Variants in CLDN6 observed in about 807,000 individuals in gnomAD.
CLDN6 encodes the protein claudin 6.
For missense variants in CLDN6, 279 were observed against 284.1 expected (o/e 0.98, Z 0.13); for synonymous variants, 144 against 131.2 (o/e 1.10, Z -0.67).
rs905860835 is a variant in CLDN6 at position 3,014,843 on chromosome 16, G to A, written c.*516C>T. 8 of 322,574 alleles carry A rather than the reference G, an allele frequency of 2.5e-5. No homozygotes were observed. Among genetic ancestry groups the A allele is most frequent in the Non-Finnish European group, 3.9e-5 (7 of 179,134 alleles). The allele number at this position is 322,574 out of a possible 1,614,324, so 20.0% of individuals were successfully genotyped here. A position where few individuals can be genotyped will look rare whatever the true frequency, so the allele number is the denominator to read the frequency against. ...ACATAGCTGGGACCTGGCCCTGGGG[G>A]GTGGACGTCTTATCAGGACGGAGGA... On this transcript the variant is annotated 3_prime_UTR_variant, in exon 2 of 2. Transcript: ENST00000328796.
In CLDN6 at chr16:3,017,946, G is replaced by T. The variant is rs372514766; in HGVS notation, c.-22+203C>A. On this transcript the variant is annotated intron_variant, in intron 1 of 1. Transcript: ENST00000328796. Reference sequence around the variant, plus strand: ...TTTCGGAGTCTTTGTCCCTGGGGAGGGGGGAGGGGCGTTTAACCCTTGGGA... The same window carrying T: ...TTTCGGAGTCTTTGTCCCTGGGGAGTGGGGAGGGGCGTTTAACCCTTGGGA... Among the ~76,000 whole-genome samples the T allele has an allele frequency of 5.9e-5, 9 of 151,578 alleles. No individual in the cohort carries two copies. In the East Asian group the frequency reaches 1.8e-3, roughly 30 times the overall value.
chr16:3,015,472 T>C lies in CLDN6; in HGVS notation c.550A>G (p.Thr184Ala), dbSNP rs1170909675. 1.2e-6 allele frequency: 2 copies of C among 1,602,088 alleles called. No individual in the cohort carries two copies. The highest frequency in any genetic ancestry group is 1.7e-6 in the Non-Finnish European group (2 of 1,174,322). The change falls in exon 2 of 2, where the codon ACT becomes GCT. Residue 184 changes from threonine (T) to alanine (A), a missense_variant. Transcript: ENST00000328796. ...CCCTGGGACCCCCCCGAGGGGCAAG[T>C]GCAGCACAGCAACCCCCCACCCAGC... ...LLLGGGLLCC[T>A]CPSGGSQGPS...
chr16:3,016,192 C>A (rs542460706), intron 1 of CLDN6, 150 bp from the exon 2 acceptor site: 4 of 679,194 alleles, frequency 5.9e-6, no homozygotes, highest in Non-Finnish European at 9.8e-6. Flanking sequence ...CCTCACTTCT[C>A]GTGGGCAAAA....
Position 3,014,956 on chromosome 16 carries a change from C to G in CLDN6, c.*403G>C. The G allele has an allele frequency of 2.5e-6, 1 of 402,640 alleles. No individual in the cohort carries two copies. Among genetic ancestry groups the G allele is most frequent in the Non-Finnish European group, 4.4e-6 (1 of 229,742 alleles). 24.9% of individuals were successfully genotyped at this position (402,640 alleles called of 1,614,324 possible). ...GGGTGAAGAGAGGAGCTCCAGAGACCTGAGTAGGATGGGGGGCAGCTGTCC... is the reference window on the plus strand; with the variant it reads ...GGGTGAAGAGAGGAGCTCCAGAGACGTGAGTAGGATGGGGGGCAGCTGTCC... On this transcript the variant is annotated 3_prime_UTR_variant, in exon 2 of 2. Transcript: ENST00000328796.
rs1337554088 is a variant in CLDN6 at position 3,015,209 on chromosome 16, G to A, written c.*150C>T. ...AAGTGAGAGTCTGAGTCAACACCTT[G>A]GCTCAGTTTTCAAATGAATTTTAAA... On this transcript the variant is annotated 3_prime_UTR_variant, in exon 2 of 2. Coordinates refer to ENST00000328796, the MANE Select transcript of CLDN6 (RefSeq NM_021195.5). The A allele has an allele frequency of 3.0e-6, 2 of 661,518 alleles. No homozygotes were observed. Among genetic ancestry groups the A allele is most frequent in the East Asian group, 2.8e-5 (1 of 35,434 alleles). 41.0% of individuals were successfully genotyped at this position (661,518 alleles called of 1,614,324 possible). A position where few individuals can be genotyped will look rare whatever the true frequency, so the allele number is the denominator to read the frequency against.
Position 3,015,682 on chromosome 16 carries a change from T to C in CLDN6, c.340A>G (p.Lys114Glu). ...CTTCVEEKDS[K>E]ARLVLTSGIV... The stretch of plus-strand genomic sequence containing the variant: ...CCAGAGGTGAGCACCAGGCGGGCCT[T>C]GGAATCCTTCTCCTCCACACAGGTG... The change falls in exon 2 of 2, where the codon AAG (lysine) becomes GAG (glutamate). Residue 114 changes from lysine to glutamate, a missense_variant. Lys to Glu is a moderately conservative substitution (Grantham distance 56). Transcript: ENST00000328796. The C allele has an allele frequency of 6.2e-7, 1 of 1,613,614 alleles. No homozygotes were observed. The highest frequency in any genetic ancestry group is 8.5e-7 in the Non-Finnish European group (1 of 1,180,036).
intron 1 of CLDN6, among the ~76,000 whole-genome samples, chr16:3,017,292 T>A (rs1443132094): frequency 1.3e-5 from 2 of 152,198 alleles, no homozygotes; most frequent in African/African-American, 4.8e-5. Flanking sequence ...TGACCTGCCC[T>A]AGGCGCCGGA....
Position 3,015,763 on chromosome 16 carries a change from C to G in CLDN6, c.259G>C (p.Ala87Pro). ...AAGCCGAACAGGGCCACAAGGAGGG[C>G]GATGACACAGAGGGCACGTGCAGCC... is the stretch of plus-strand genomic sequence containing the variant. Reference protein sequence around the residue: ...LQAARALCVIALLVALFGLLV... With the variant: ...LQAARALCVIPLLVALFGLLV... The change falls in exon 2 of 2, where the codon GCC (alanine) becomes CCC (proline). Residue 87 changes from alanine to proline, a missense_variant. Physicochemically the swap from Ala to Pro is conservative, Grantham distance 27 (BLOSUM62 -1). Transcript: ENST00000328796. 1 of 1,614,070 alleles carries G rather than the reference C, an allele frequency of 6.2e-7. No individual in the cohort carries two copies. Among genetic ancestry groups the G allele is most frequent in the African/African-American group, 1.3e-5 (1 of 75,066 alleles).
chr16:3,015,769 C>G lies in CLDN6; in HGVS notation c.253G>C (p.Val85Leu). The G allele has an allele frequency of 3.1e-6, 5 of 1,614,108 alleles. No homozygotes were observed. In the East Asian group the frequency reaches 8.9e-5, roughly 29 times the overall value. ...QDLQAARALC[V>L]IALLVALFGL... is the part of the protein sequence containing the mutation. The stretch of plus-strand genomic sequence containing the variant: ...AACAGGGCCACAAGGAGGGCGATGA[C>G]ACAGAGGGCACGTGCAGCCTGCAGG... Residue 85 changes from valine to leucine, a missense_variant, in exon 2 of 2, where the codon GTC becomes CTC. Physicochemically the swap from Val to Leu is conservative, Grantham distance 32 (BLOSUM62 1). Transcript: ENST00000328796.
rs756478818 is a variant in CLDN6 at position 3,015,875 on chromosome 16, G to A, written c.147C>T (p.Gly49=). Reference sequence around the variant, plus strand: ...TCTGCACCACGCAGGACATCCACAGGCCCTCCCACACCACCTGGGCCACCA... The same window carrying A: ...TCTGCACCACGCAGGACATCCACAGACCCTCCCACACCACCTGGGCCACCA... ...SIVVAQVVWE[G]LWMSCVVQST... is the part of the protein sequence containing the mutation. Residue 49 remains glycine (G), a synonymous_variant, in exon 2 of 2, where the codon GGC becomes GGT. Coordinates refer to ENST00000328796, the MANE Select transcript of CLDN6 (RefSeq NM_021195.5). The A allele has an allele frequency of 5.6e-6, 9 of 1,614,224 alleles. No individual in the cohort carries two copies. In the South Asian group the frequency reaches 8.8e-5, roughly 16 times the overall value.
At chr16:3,017,449 T>C (rs2072574545) in intron 1 of CLDN6, among the ~76,000 whole-genome samples, 1 of 152,124 alleles carries the variant, frequency 6.6e-6, no homozygotes, top group Non-Finnish European at 1.5e-5. Flanking sequence ...GAATCACTTC[T>C]GACTAGGGCC....
rs2269911 is a variant in CLDN6, at chr16:3,015,923, G to T, written c.99C>A (p.Thr33=). The T allele has an allele frequency of 6.8e-6, 11 of 1,614,088 alleles. No homozygotes were observed. The highest frequency in any genetic ancestry group is 9.3e-6 in the Non-Finnish European group (11 of 1,180,000). The change falls in exon 2 of 2, where the codon ACC becomes ACA. Residue 33 remains threonine, a synonymous_variant. Transcript: ENST00000328796. ...VSCALPMWKV[T]AFIGNSIVVA... ...CCACGATGCTGTTGCCGATGAAAGC[G>T]GTCACCTTCCACATGGGCAGGGCAC...
At chr16:3,017,646 CCTCTGGCCGAGTTAGGGT>C (rs1046983427) in intron 1 of CLDN6, among the ~76,000 whole-genome samples, 2 of 152,072 alleles carry the variant, frequency 1.3e-5, no homozygotes, top group African/African-American at 4.8e-5. Flanking sequence ...GGCCCTTAGG[CCTCTGGCCGAGTTAGGGT>C]CGGGGCCGCG....
intron 1 of CLDN6, among the ~76,000 whole-genome samples, chr16:3,017,282 T>C (rs2072573613): frequency 6.6e-6 from 1 of 152,200 alleles, no homozygotes; most frequent in African/African-American, 2.4e-5. Flanking sequence ...CCCACCCTTC[T>C]GACCTGCCCT....
At position 3,015,901 on chromosome 16, in the gene CLDN6, C is replaced by G; in HGVS notation, c.121G>C (p.Val41Leu). The part of the protein sequence containing the change: ...KVTAFIGNSI[V>L]VAQVVWEGLW... ...CCCTCCCACACCACCTGGGCCACCA[C>G]GATGCTGTTGCCGATGAAAGCGGTC... The change falls in exon 2 of 2, where the codon GTG (valine) becomes CTG (leucine). Residue 41 changes from valine (V) to leucine (L), a missense_variant. Physicochemically the swap from Val to Leu is conservative, Grantham distance 32. Coordinates refer to ENST00000328796, the MANE Select transcript of CLDN6 (RefSeq NM_021195.5). 1 of 1,614,262 alleles carries G rather than the reference C, an allele frequency of 6.2e-7. No homozygotes were observed. The highest frequency in any genetic ancestry group is 8.5e-7 in the Non-Finnish European group (1 of 1,180,048).
At chr16:3,016,143 C>T (rs1478426821) in intron 1 of CLDN6, 101 bp from the exon 2 acceptor site, 6 of 1,096,926 alleles carry the variant, frequency 5.5e-6, no homozygotes, top group Non-Finnish European at 7.7e-6. Context: ...GGAAAGTGGT[C>T]ATCACATCCT....
rs1452193363 is a variant in CLDN6 at position 3,015,320 on chromosome 16, A to T, written c.*39T>A. On this transcript the variant is annotated 3_prime_UTR_variant, in exon 2 of 2. Coordinates refer to ENST00000328796, the MANE Select transcript of CLDN6 (RefSeq NM_021195.5). The stretch of plus-strand genomic sequence containing the variant: ...AGCTGTTGGGCACTGCCACTTCTGG[A>T]TGGCTCTAGCGCCAGCGGAGCCCCC... 1 of 1,502,050 alleles carries T rather than the reference A, an allele frequency of 6.7e-7. No individual in the cohort carries two copies. Among genetic ancestry groups the T allele is most frequent in the Non-Finnish European group, 8.9e-7 (1 of 1,123,294 alleles). The allele number at this position is 1,502,050 out of a possible 1,614,324, so 93.0% of individuals were successfully genotyped here.
rs8064223 is a variant in CLDN6, at chr16:3,014,862, C to T, written c.*497G>A. The T allele has an allele frequency of 0.19, 64,725 of 335,168 alleles. 6,848 individuals are homozygous for T. The highest frequency in any genetic ancestry group is 0.3 in the East Asian group (6,581 of 21,716). The allele number at this position is 335,168 out of a possible 1,614,324, so 20.8% of individuals were successfully genotyped here. On this transcript the variant is annotated 3_prime_UTR_variant, in exon 2 of 2. Transcript: ENST00000328796. ...CTGGGGGGTGGACGTCTTATCAGGA[C>T]GGAGGAAACAGAGGTCAGAAGTTCC...
At chr16:3,016,823 T>C (rs1460446271) in intron 1 of CLDN6, among the ~76,000 whole-genome samples, 1 of 152,016 alleles carries the variant, frequency 6.6e-6, no homozygotes, top group African/African-American at 2.4e-5. Context: ...AATTTTTTTG[T>C]ATTTTTAGTA....
Sources: gnomAD v4.1 joint callset for allele counts (sites outside exome capture counted in the v4.1 genomes callset) on GRCh38, gnomAD v4.1.1 for gene constraint, MANE v1.5 for transcripts, NCBI Gene and HGNC (gene_info 2026-07-23, HGNC 2026-07-21) for gene names.